Variants in CFI observed in about 807,000 individuals in gnomAD.
The protein encoded by CFI is complement factor I, also known as C3B/C4B inactivator.
A neutral mutation model predicts 78.8 loss-of-function variants in CFI; 66 were observed. The observed-to-expected ratio is 0.84, with a 90% CI of 0.69 to 1.03. CFI has a LOEUF of 1.03. CFI is among the 50% of genes least tolerant of loss of function. CFI has a pLI of 0.00. For missense variants in CFI, 706 were observed against 704.5 expected (o/e 1.00, Z -0.02); for synonymous variants, 250 against 232.6 (o/e 1.07, Z -0.68).
chr4:109,739,591 G>A (rs990813129), downstream of CFI, among the ~76,000 whole-genome samples: 13 of 152,102 alleles, frequency 8.5e-5, no homozygotes, highest in African/African-American at 2.9e-4. Context: ...AGTTTGGGTT[G>A]ACCACTTTTC....
intron 1 of CFI, among the ~76,000 whole-genome samples, chr4:109,797,246 A>G (rs1350829123): frequency 6.6e-6 from 1 of 152,222 alleles, no homozygotes; most frequent in African/African-American, 2.4e-5. Flanking sequence ...TTCATGGAAC[A>G]AAGTAGAAAG....
chr4:109,788,378 T>C (rs2125859206), intron 1 of CFI, among the ~76,000 whole-genome samples: 1 of 152,276 alleles, frequency 6.6e-6, no homozygotes, highest in Non-Finnish European at 1.5e-5. Context: ...ATACTCTTGA[T>C]TACAGAGTAT....
chr4:109,760,170 C>T (rs986412885), intron 6 of CFI, 100 bp downstream of exon 6: 1 of 800,938 alleles, frequency 1.2e-6, no homozygotes, highest in Admixed American at 1.8e-5. Flanking sequence ...TACTGCTACA[C>T]CCATCTATGT....
chr4:109,775,137 G>T (rs932126246), intron 1 of CFI, among the ~76,000 whole-genome samples: 6 of 152,140 alleles, frequency 3.9e-5, no homozygotes, highest in African/African-American at 1.2e-4. Flanking sequence ...TCCAACTAAG[G>T]TACCAAGTTC....
chr4:109,801,822 A>T, intron 1 of CFI, 93 bp downstream of exon 1: 1 of 847,896 alleles, frequency 1.2e-6, no homozygotes, highest in Non-Finnish European at 1.9e-6. Flanking sequence ...TGTAATATTT[A>T]AATCAAAATT....
chr4:109,796,562 G>A (rs1469602939), intron 1 of CFI, among the ~76,000 whole-genome samples: 2 of 152,206 alleles, frequency 1.3e-5, no homozygotes, highest in African/African-American at 4.8e-5. Context: ...AGTGCTTTGA[G>A]AGGCCATGGT....
intron 1 of CFI, among the ~76,000 whole-genome samples, chr4:109,782,904 G>C (rs1363116711): frequency 6.6e-6 from 1 of 152,052 alleles, no homozygotes; most frequent in Non-Finnish European, 1.5e-5. Flanking sequence ...CTTCGACAAA[G>C]CAAGCAAAAA....
In CFI at chr4:109,760,366, C is replaced by A. The variant is rs139447013; in HGVS notation, c.787G>T (p.Gly263Cys). 1.2e-6 allele frequency: 2 copies of A among 1,613,818 alleles called. No individual in the cohort carries two copies. The highest frequency in any genetic ancestry group is 2.2e-5 in the East Asian group (1 of 44,882). ...CAAACACCCGATTTGCAATGGAAGC[C>A]TTTGCCTTGGCATGCTGTGCAAACA... Reference protein sequence around the residue: ...ELCCKACQGKGFHCKSGVCIP... With the variant: ...ELCCKACQGKCFHCKSGVCIP... Residue 263 changes from glycine to cysteine, a missense_variant, in exon 6 of 13, where the codon GGC becomes TGC. Gly to Cys is a radical substitution (Grantham distance 159). Transcript: ENST00000394634.
At chr4:109,756,921 G>GAAAGAAAGAAAGAAAGAAAGAAAGAA (rs1726300051) in intron 7 of CFI, among the ~76,000 whole-genome samples, 2 of 133,982 alleles carry the variant, frequency 1.5e-5, no homozygotes, top group Admixed American at 7.5e-5. Flanking sequence ...AAGAAAGAAA[G>GAAAGAAAGAAAGAAAGAAAGAAAGAA]AAAGAAAGAA....
Position 109,760,505 on chromosome 4 carries a change from G to A in CFI, c.772+18C>T. The stretch of plus-strand genomic sequence containing the variant: ...GAAAAATGAATTTAGAGGATTTAGA[G>A]GCTAGATTTATGTCTACCTTTACAA... On this transcript the variant is annotated intron_variant, in intron 5 of 12. Coordinates refer to ENST00000394634, the MANE Select transcript of CFI (RefSeq NM_000204.5). 6.6e-7 allele frequency: 1 copy of A among 1,504,420 alleles called. No individual in the cohort carries two copies. Among genetic ancestry groups the A allele is most frequent in the Non-Finnish European group, 9.3e-7 (1 of 1,079,962 alleles). The allele number at this position is 1,504,420 out of a possible 1,614,324, so 93.2% of individuals were successfully genotyped here. A position where few individuals can be genotyped will look rare whatever the true frequency, so the allele number is the denominator to read the frequency against.
chr4:109,787,304 C>T lies in CFI; in HGVS notation c.57+14611G>A, dbSNP rs191400480. ...CTTGGATCCCAAGAGTTAACAACCA[C>T]ATCAGAAACCTTTCCATTGAAAGAG... is the stretch of plus-strand genomic sequence containing the variant. On this transcript the variant is annotated intron_variant, in intron 1 of 12. Coordinates refer to ENST00000394634, the MANE Select transcript of CFI (RefSeq NM_000204.5). Among the ~76,000 whole-genome samples, 7 of 152,232 alleles carry T rather than the reference C, an allele frequency of 4.6e-5. No homozygotes were observed. In the East Asian group the frequency reaches 1.4e-3, roughly 29 times the overall value.
At position 109,748,872 on chromosome 4, in the gene CFI, G is replaced by A. The variant is rs140293926; in HGVS notation, c.1148+346C>T. On this transcript the variant is annotated intron_variant, in intron 10 of 12. Coordinates refer to ENST00000394634, the MANE Select transcript of CFI (RefSeq NM_000204.5). ...AACTAGGTATGGCAACATGACTCTT[G>A]AGCCACACAGTAAAGAAAATATAGG... Among the ~76,000 whole-genome samples the A allele has an allele frequency of 8.9e-4, 136 of 152,280 alleles. 1 individual carries two copies. The highest frequency in any genetic ancestry group is 3.1e-3 in the African/African-American group (130 of 41,574).
At chr4:109,770,618 T>A (rs1219056298) in intron 1 of CFI, among the ~76,000 whole-genome samples, 18 of 103,144 alleles carry the variant, frequency 1.7e-4, no homozygotes, top group East Asian at 2.6e-4. Context: ...GACATGAAAA[T>A]ATGAACACAG....
chr4:109,767,012 C>G (rs1420062695), intron 1 of CFI, among the ~76,000 whole-genome samples, 188 bp from the exon 2 acceptor site: 2 of 152,030 alleles, frequency 1.3e-5, no homozygotes, highest in Non-Finnish European at 2.9e-5. Flanking sequence ...ACAAACTTGA[C>G]AAAAACAAGA....
chr4:109,732,042 T>C, the CFI span, among the ~76,000 whole-genome samples: 6 of 49,544 alleles, frequency 1.2e-4, no homozygotes, highest in East Asian at 7.1e-4. Flanking sequence ...AACTCCCTAG[T>C]CCAGGGACAA....
At chr4:109,781,035 A>G (rs1442676012) in intron 1 of CFI, among the ~76,000 whole-genome samples, 3 of 152,216 alleles carry the variant, frequency 2.0e-5, no homozygotes, top group African/African-American at 7.2e-5. Context: ...ATTAGGAGAT[A>G]TACCTAATGT....
chr4:109,772,053 T>C (rs1560551394), intron 1 of CFI, among the ~76,000 whole-genome samples: 1 of 152,232 alleles, frequency 6.6e-6, no homozygotes, highest in Non-Finnish European at 1.5e-5. Flanking sequence ...GAAGCAACTT[T>C]ATGATAACAT....
intron 6 of CFI, among the ~76,000 whole-genome samples, chr4:109,758,850 T>C (rs1726652500): frequency 6.6e-6 from 1 of 152,216 alleles, no homozygotes; most frequent in South Asian, 2.1e-4. Context: ...GCCAGCACTT[T>C]GGGAGGCCGA....
chr4:109,755,597 G>A (rs1726031489), intron 7 of CFI, among the ~76,000 whole-genome samples: 1 of 152,086 alleles, frequency 6.6e-6, no homozygotes, highest in African/African-American at 2.4e-5. Flanking sequence ...AGTGAGTTCG[G>A]ACTCCTCTTG....
Sources: allele counts gnomAD v4.1 joint callset (sites outside exome capture counted in the v4.1 genomes callset), GRCh38; gene constraint gnomAD v4.1.1; transcripts MANE v1.5; gene names NCBI Gene and HGNC (gene_info 2026-07-23, HGNC 2026-07-21).